SRCAP: variants seen among roughly 807,000 people sequenced by gnomAD.
SRCAP encodes the protein Snf2 related CREBBP activator protein, also known as chromatin remodeling protein SRCAP.
A neutral mutation model predicts 263.1 loss-of-function variants in SRCAP; 46 were observed. That is an observed-to-expected ratio of 0.17 (90% CI 0.14 to 0.22). The LOEUF is 0.22. Among genes scored for constraint, SRCAP ranks in the 10% least tolerant of loss-of-function variants. The pLI is 1.00. For missense variants in SRCAP, 3,695 were observed against 4,181.9 expected, an observed-to-expected ratio of 0.88 and a Z score of 3.21; for synonymous variants, 1,813 against 1,662.1, an observed-to-expected ratio of 1.09 and a Z score of -2.21.
chr16:30,701,962 T>A (rs1366547151), intron 3 of SRCAP, among the ~76,000 whole-genome samples: 2 of 151,264 alleles, frequency 1.3e-5, no homozygotes, highest in Admixed American at 1.3e-4. Context: ...CTTTTTTTTT[T>A]TTTTATTTTT....
At position 30,733,126 on chromosome 16, in the gene SRCAP, A is replaced by G. The variant is rs2053128891; in HGVS notation, c.6128-154A>G. 6.6e-6 allele frequency among the ~76,000 whole-genome samples: 1 copy of G among 152,166 alleles called. No homozygotes were observed. Among genetic ancestry groups the G allele is most frequent in the Non-Finnish European group, 1.5e-5 (1 of 68,030 alleles). On this transcript the variant is annotated intron_variant, in intron 27 of 33. Transcript: ENST00000262518. This position sits in a 1 kb window ranked among gnomAD's most constrained non-coding sequence, Gnocchi z 5.3. ...GCAGGGACTACAGGTGTGAGCCACC[A>G]TGCCCTGCCGTAGTTAAACATTTTT...
rs562943440 is a variant in SRCAP at position 30,740,031 on chromosome 16, C to T, written c.*298C>T. On this transcript the variant is annotated 3_prime_UTR_variant, in exon 34 of 34. Coordinates refer to ENST00000262518, the MANE Select transcript of SRCAP (RefSeq NM_006662.3). The stretch of plus-strand genomic sequence containing the variant: ...AGCTGTCTTTCACACAGCCCCCCAC[C>T]CTTAGGGGAAGGGGGAGGGGCTTCT... The T allele has an allele frequency of 2.9e-5, 9 of 311,474 alleles. No homozygotes were observed. In the South Asian group the frequency reaches 1.1e-3, roughly 38 times the overall value. 19.3% of individuals were successfully genotyped at this position (311,474 alleles called of 1,614,324 possible).
At chr16:30,719,995 T>G (rs2052994157) in intron 18 of SRCAP, among the ~76,000 whole-genome samples, 167 bp from the exon 19 acceptor site, 1 of 152,214 alleles carries the variant, frequency 6.6e-6, no homozygotes, top group Non-Finnish European at 1.5e-5. Flanking sequence ...CATCTTCATG[T>G]CCATGCGTAC....
At chr16:30,734,473 C>T (rs774547142) in intron 30 of SRCAP, 23 bp from the exon 31 acceptor site, 5 of 1,612,840 alleles carry the variant, frequency 3.1e-6, no homozygotes, top group Non-Finnish European at 4.2e-6. Context: ...GACTCTGACA[C>T]TTCCCTCTGT....
rs1220379641 is a variant in SRCAP at position 30,739,770 on chromosome 16, C to T, written c.*37C>T. On this transcript the variant is annotated 3_prime_UTR_variant, in exon 34 of 34. Transcript: ENST00000262518. ...CTCCACCTAGGCTTTCCACCGTGGC[C>T]ACTCCCTCCATGACCAGGCCTGACT... 1.4e-6 allele frequency: 2 copies of T among 1,451,270 alleles called. No homozygotes were observed. Among genetic ancestry groups the T allele is most frequent in the African/African-American group, 1.4e-5 (1 of 69,698 alleles). The allele number at this position is 1,451,270 out of a possible 1,614,324, so 89.9% of individuals were successfully genotyped here. A position where few individuals can be genotyped will look rare whatever the true frequency, so the allele number is the denominator to read the frequency against.
At chr16:30,701,082 G>A (rs1188225177) in intron 3 of SRCAP, among the ~76,000 whole-genome samples, 1 of 152,132 alleles carries the variant, frequency 6.6e-6, no homozygotes, top group Non-Finnish European at 1.5e-5. Flanking sequence ...GTGTAAAAGC[G>A]CCTCGTTACC....
intron 27 of SRCAP, 51 bp downstream of exon 27, chr16:30,729,623 A>G (rs1567250550): frequency 2.5e-6 from 4 of 1,596,694 alleles, no homozygotes; most frequent in East Asian, 2.2e-5. Context: ...TTTTCTTAGT[A>G]TTAAGACTGT....
At chr16:30,703,259 A>ACTGCAACCTCCGCCTCCCACGCCTCC (rs2052789553) in intron 3 of SRCAP, among the ~76,000 whole-genome samples, 1 of 150,548 alleles carries the variant, frequency 6.6e-6, no homozygotes, top group Non-Finnish European at 1.5e-5. Context: ...ATCTCGGCTC[A>ACTGCAACCTCCGCCTCCCACGCCTCC]CTGCAACCTC....
intron 4 of SRCAP, 85 bp downstream of exon 4, chr16:30,704,400 T>C (rs2052803477): frequency 2.0e-6 from 3 of 1,488,560 alleles, no homozygotes; most frequent in Non-Finnish European, 2.7e-6. Flanking sequence ...ATGTTTCTTT[T>C]CTTTTTTGTC....
At position 30,721,228 on chromosome 16, in the gene SRCAP, G is replaced by A. The variant is rs370202769; in HGVS notation, c.3293G>A (p.Arg1098Gln). Residue 1098 changes from arginine to glutamine, a missense_variant, in exon 21 of 34, where the codon CGG becomes CAG. By Grantham distance (43) the Arg-to-Gln change is conservative. Around this residue, in one of 12 missense-constraint regions of SRCAP, gnomAD observed 1,347 missense variants for 1,304.4 expected, o/e 1.03. Transcript: ENST00000262518. ...SPLGVLSGTSRPPTPTLSLKP... is the reference protein window; with the variant it reads ...SPLGVLSGTSQPPTPTLSLKP... ...CTGGGGGTCCTGAGTGGGACCTCACGGCCTCCCACGCCAACCTTGTCCCTA... is the reference window on the plus strand; with the variant it reads ...CTGGGGGTCCTGAGTGGGACCTCACAGCCTCCCACGCCAACCTTGTCCCTA... The A allele has an allele frequency of 3.1e-6, 5 of 1,613,418 alleles. No homozygotes were observed. The highest frequency in any genetic ancestry group is 4.5e-5 in the East Asian group (2 of 44,882).
In SRCAP at chr16:30,738,489, C is replaced by A; in HGVS notation, c.8449C>A (p.Leu2817Met). 6.2e-7 allele frequency: 1 copy of A among 1,603,378 alleles called. No individual in the cohort carries two copies. The highest frequency in any genetic ancestry group is 8.5e-7 in the Non-Finnish European group (1 of 1,174,600). ...GPCEAAPSSS[L>M]PTPPQQPFIA... ...CTGTGAAGCTGCTCCTTCATCCTCA[C>A]TGCCCACTCCACCCCAGCAGCCCTT... Residue 2817 changes from leucine to methionine, a missense_variant, in exon 34 of 34, where the codon CTG becomes ATG. Around this residue, in one of 12 missense-constraint regions of SRCAP, gnomAD observed 1,207 missense variants for 1,142.9 expected, o/e 1.06. Transcript: ENST00000262518.
Position 30,737,203 on chromosome 16 carries a change from C to T in SRCAP, c.7163C>T (p.Pro2388Leu). The change falls in exon 34 of 34, where the codon CCT becomes CTT. Residue 2388 changes from proline to leucine, a missense_variant. This residue lies in a region of SRCAP where 1,207 missense variants were observed against 1,142.9 expected (regional missense o/e 1.06). Transcript: ENST00000262518. ...THRRSKKAKA[P>L]ERPGTRVSER... ...CGGCGCAGTAAAAAGGCCAAAGCCC[C>T]TGAGAGGCCGGGGACTCGTGTCAGT... 2 of 1,614,068 alleles carry T rather than the reference C, an allele frequency of 1.2e-6. No individual in the cohort carries two copies. Among genetic ancestry groups the T allele is most frequent in the Non-Finnish European group, 1.7e-6 (2 of 1,180,002 alleles).
At chr16:30,701,027 G>C in intron 3 of SRCAP, 149 bp downstream of exon 3, 1 of 705,074 alleles carries the variant, frequency 1.4e-6, no homozygotes, top group Non-Finnish European at 2.5e-6. Flanking sequence ...AGGTCTGTTG[G>C]ATACTCACAT....
intron 25 of SRCAP, among the ~76,000 whole-genome samples, chr16:30,726,925 C>T: frequency 6.6e-6 from 1 of 152,138 alleles, no homozygotes; most frequent in East Asian, 1.9e-4. Flanking sequence ...TGGTCTCGAA[C>T]TCCTGACCTC....
chr16:30,702,496 A>G (rs1334173182), intron 3 of SRCAP, among the ~76,000 whole-genome samples: 1 of 150,724 alleles, frequency 6.6e-6, no homozygotes, highest in Non-Finnish European at 1.5e-5. Context: ...AGCCTCCAAA[A>G]GTGCTAGGAT....
Position 30,739,896 on chromosome 16 carries a change from T to C in SRCAP, c.*163T>C. ...AAAGTAGGGGGTAGGCAACTGGTTG[T>C]CATGGAAATGGGGATCATCACAGTC... is the stretch of plus-strand genomic sequence containing the variant. On this transcript the variant is annotated 3_prime_UTR_variant, in exon 34 of 34. Coordinates refer to ENST00000262518, the MANE Select transcript of SRCAP (RefSeq NM_006662.3). The C allele has an allele frequency of 8.6e-7, 1 of 1,168,056 alleles. No homozygotes were observed. Among genetic ancestry groups the C allele is most frequent in the Non-Finnish European group, 1.1e-6 (1 of 875,026 alleles). 72.4% of individuals were successfully genotyped at this position (1,168,056 alleles called of 1,614,324 possible).
Position 30,733,638 on chromosome 16 carries a change from T to C in SRCAP, c.6334T>C (p.Phe2112Leu), listed in dbSNP as rs1373018827. 1 of 1,614,174 alleles carries C rather than the reference T, an allele frequency of 6.2e-7. No individual in the cohort carries two copies. Among genetic ancestry groups the C allele is most frequent in the Non-Finnish European group, 8.5e-7 (1 of 1,180,018 alleles). ...ACGGTTCAATGCAGACAAACGCATATTCTGCTTCATCCTTTCAACTCGGAG... is the reference window on the plus strand; with the variant it reads ...ACGGTTCAATGCAGACAAACGCATACTCTGCTTCATCCTTTCAACTCGGAG... ...MERFNADKRIFCFILSTRSGG... is the reference protein window; with the variant it reads ...MERFNADKRILCFILSTRSGG... Residue 2112 changes from phenylalanine (F) to leucine (L), a missense_variant, in exon 29 of 34, where the codon TTC becomes CTC. By Grantham distance (22) the Phe-to-Leu change is conservative (BLOSUM62 0). This residue lies in a region of SRCAP where 138 missense variants were observed against 254.9 expected (regional missense o/e 0.54). Transcript: ENST00000262518. The surrounding 1 kb of genome is among the most constrained non-coding windows in gnomAD (Gnocchi z 5.3).
intron 3 of SRCAP, among the ~76,000 whole-genome samples, chr16:30,702,358 G>C (rs1214692266): frequency 6.6e-6 from 1 of 151,740 alleles, no homozygotes. Context: ...TCAGCCTCTT[G>C]AGTAGCTAGG....
chr16:30,721,847 CAG>C (rs1206422550), intron 21 of SRCAP, among the ~76,000 whole-genome samples: 2 of 152,148 alleles, frequency 1.3e-5, no homozygotes, highest in Non-Finnish European at 2.9e-5. Context: ...GGTAAAAGGA[CAG>C]TGTAGAGCAG....
Sources: gnomAD v4.1 joint callset for allele counts (sites outside exome capture counted in the v4.1 genomes callset) on GRCh38, gnomAD v4.1.1 for gene constraint, gnomAD v4.1.1 regional missense constraint, Gnocchi (gnomAD v3.1) non-coding constraint, MANE v1.5 for transcripts, NCBI Gene and HGNC (gene_info 2026-07-23, HGNC 2026-07-21) for gene names.